Variants in MLF1 observed in about 807,000 individuals in gnomAD.
The protein encoded by MLF1 is myelodysplasia-myeloid leukemia factor 1.
Under a neutral mutation model 38.3 loss-of-function variants are expected in MLF1, and 37 were observed. The ratio of observed to expected loss-of-function variants is 0.96; its 90% CI spans 0.74 to 1.27. The LOEUF is 1.27. Among genes scored for constraint, MLF1 ranks in the 50% most tolerant of loss-of-function variants. The probability of loss-of-function intolerance (pLI) is 0.00; values close to 1 mark genes in which losing one functional copy is unlikely to be tolerated. For synonymous variants in MLF1, 95 were observed against 106.5 expected (o/e 0.89, Z 0.66); for missense variants, 331 against 349.2 (o/e 0.95, Z 0.42).
In MLF1 at chr3:158,602,751, G is replaced by C. The variant is rs150241615; in HGVS notation, c.614-56G>C. 1.4e-3 allele frequency: 2,212 copies of C among 1,558,616 alleles called. 29 individuals carry two copies. The African/African-American group carries it at 0.026, about 19-fold the overall frequency. On this transcript the variant is annotated intron_variant, in intron 6 of 7. Transcript: ENST00000466246. ...GACTGAAATATGTGGGAGCAAGGCA[G>C]TTACTGACAGTTGATACCTTAATAC...
intron 1 of MLF1, among the ~76,000 whole-genome samples, chr3:158,589,807 T>G (rs1484507389): frequency 3.3e-5 from 5 of 152,072 alleles, no homozygotes; most frequent in Non-Finnish European, 7.4e-5. Context: ...CTTCTGGAGT[T>G]TATGGGGGTG....
intron 1 of MLF1, among the ~76,000 whole-genome samples, chr3:158,582,357 G>A (rs924095542): frequency 1.5e-4 from 23 of 151,932 alleles, no homozygotes; most frequent in Non-Finnish European, 2.9e-5. Context: ...GGCAAGAACT[G>A]TAGGGCAACT....
chr3:158,581,346 A>C (rs1716322622), intron 1 of MLF1, among the ~76,000 whole-genome samples: 1 of 152,206 alleles, frequency 6.6e-6, no homozygotes. Context: ...GGTGGAAAGT[A>C]ACCATTAAAT....
chr3:158,601,629 C>T (rs6808551), intron 6 of MLF1, among the ~76,000 whole-genome samples: 34,693 of 149,724 alleles, frequency 0.23, 5,368 homozygotes, highest in African/African-American at 0.45. Flanking sequence ...TGGTGGCCCG[C>T]GCCTGTAATC....
At chr3:158,583,002 G>A in intron 1 of MLF1, 1 of 587,428 alleles carries the variant, frequency 1.7e-6, no homozygotes, top group East Asian at 3.0e-5. Flanking sequence ...ATAATAATAG[G>A]CACACACACA....
In MLF1 at chr3:158,602,843, A is replaced by T. The variant is rs778298450; in HGVS notation, c.650A>T (p.Glu217Val). 13 of 1,613,614 alleles carry T rather than the reference A, an allele frequency of 8.1e-6. No individual in the cohort carries two copies. The South Asian group carries it at 1.4e-4, about 18-fold the overall frequency. The change falls in exon 7 of 8, where the codon GAG becomes GTG. Residue 217 changes from glutamate (E) to valine (V), a missense_variant. Glu to Val is a moderately radical substitution (Grantham distance 121). Transcript: ENST00000466246. The part of the protein sequence containing the change: ...AHAFDEEWQS[E>V]VLKYKPGRHN... Reference sequence around the variant, plus strand: ...GCTTTTGATGAGGAGTGGCAAAGTGAGGTTTTGAAGTACAAACCAGGACGA... The same window carrying T: ...GCTTTTGATGAGGAGTGGCAAAGTGTGGTTTTGAAGTACAAACCAGGACGA...
chr3:158,575,400 C>T (rs1164283342), intron 1 of MLF1, among the ~76,000 whole-genome samples: 1 of 152,042 alleles, frequency 6.6e-6, no homozygotes, highest in Non-Finnish European at 1.5e-5. Flanking sequence ...TTCTTTTCTC[C>T]ACAATGAATT....
chr3:158,582,841 AAAG>A (rs1360320249), intron 1 of MLF1: 1 of 679,782 alleles, frequency 1.5e-6, no homozygotes. Flanking sequence ...AGAAATGTTA[AAAG>A]AAGTTCTTCA....
intron 1 of MLF1, among the ~76,000 whole-genome samples, chr3:158,572,997 G>A (rs1714780774): frequency 6.6e-6 from 1 of 151,768 alleles, no homozygotes; most frequent in South Asian, 2.1e-4. Context: ...GCAGCTTCAA[G>A]GGCTTTGCAG....
chr3:158,595,794 T>C (rs6803608), intron 3 of MLF1, among the ~76,000 whole-genome samples: 85,422 of 151,906 alleles, frequency 0.56, 24,906 homozygotes, highest in African/African-American at 0.72. Context: ...GAGACACAAA[T>C]AGAACTTAGG....
intron 5 of MLF1, among the ~76,000 whole-genome samples, chr3:158,598,441 C>T (rs1218055383): frequency 6.7e-6 from 1 of 149,082 alleles, no homozygotes; most frequent in African/African-American, 2.5e-5. Flanking sequence ...GTGAGGGTGC[C>T]TTTTTTCATG....
chr3:158,581,465 G>C (rs1716345260), intron 1 of MLF1, among the ~76,000 whole-genome samples: 1 of 152,160 alleles, frequency 6.6e-6, no homozygotes. Flanking sequence ...AGCTCCTCCA[G>C]CCATGTTATC....
intron 7 of MLF1, 28 bp downstream of exon 7, chr3:158,602,967 T>C (rs1301517726): frequency 6.3e-7 from 1 of 1,584,702 alleles, no homozygotes; most frequent in Admixed American, 1.8e-5. Context: ...AATAGTTTGG[T>C]TTTTTAAGAA....
chr3:158,576,737 A>C lies in MLF1; in HGVS notation c.47+5390A>C, dbSNP rs1715500549. On this transcript the variant is annotated intron_variant, in intron 1 of 7. Coordinates refer to ENST00000466246, the MANE Select transcript of MLF1 (RefSeq NM_001369783.1). ...GCCCAGGCTGGAGTGCAGTGGTGTG[A>C]TCTCGCCTCACTGCAACCTCTGCCT... 1.4e-5 allele frequency among the ~76,000 whole-genome samples: 2 copies of C among 142,628 alleles called. 1 individual carries two copies. The highest frequency in any genetic ancestry group is 5.3e-5 in the African/African-American group (2 of 37,824). The allele number at this position is 142,628 out of a possible 152,430, so 93.6% of individuals were successfully genotyped here.
At chr3:158,600,933 T>C (rs2108650207) in intron 6 of MLF1, among the ~76,000 whole-genome samples, 1 of 151,632 alleles carries the variant, frequency 6.6e-6, no homozygotes, top group East Asian at 1.9e-4. Context: ...AGTTTTTAAT[T>C]ATATTACAAT....
rs73874705 is a variant in MLF1, at chr3:158,596,504, G to A, written c.241-358G>A. 4.6e-3 allele frequency among the ~76,000 whole-genome samples: 695 copies of A among 152,218 alleles called. 6 individuals are homozygous for A. The highest frequency in any genetic ancestry group is 0.015 in the African/African-American group (615 of 41,536). ...GATAAGGAAAATTATGAAAACTATC[G>A]TATGCTAGAGAATGTATCACTTAGT... is the stretch of plus-strand genomic sequence containing the variant. On this transcript the variant is annotated intron_variant, in intron 3 of 7. Coordinates refer to ENST00000466246, the MANE Select transcript of MLF1 (RefSeq NM_001369783.1).
chr3:158,575,596 A>AAAC (rs1158272438), intron 1 of MLF1, among the ~76,000 whole-genome samples: 1 of 152,190 alleles, frequency 6.6e-6, no homozygotes, highest in African/African-American at 2.4e-5. Context: ...TGACCTTAGG[A>AAAC]ACATAGAGAT....
rs1208095258 is a variant in MLF1 at position 158,605,567 on chromosome 3, A to T, written c.*365A>T. On this transcript the variant is annotated 3_prime_UTR_variant, in exon 8 of 8. Transcript: ENST00000466246. ...CTATCACTTATAATTAGTTATAAGA[A>T]ATTATAATGTTAAAAAAGTCTCAGT... The T allele has an allele frequency of 1.5e-5, 3 of 205,338 alleles. No homozygotes were observed. The highest frequency in any genetic ancestry group is 6.9e-5 in the African/African-American group (3 of 43,748). The allele number at this position is 205,338 out of a possible 1,614,324, so 12.7% of individuals were successfully genotyped here. A position where few individuals can be genotyped will look rare whatever the true frequency, so the allele number is the denominator to read the frequency against.
In MLF1 at chr3:158,592,428, CA is replaced by C; in HGVS notation, c.48-4del. 6.3e-7 allele frequency: 1 copy of C among 1,596,058 alleles called. No homozygotes were observed. The highest frequency in any genetic ancestry group is 1.8e-5 in the Admixed American group (1 of 55,654). The stretch of plus-strand genomic sequence containing the variant: ...AATCTTTCATGATTATGTATATTTT[CA>C]ACAGTGAGTCCATTCTTGCACACCG... On this transcript the variant is annotated splice_polypyrimidine_tract_variant and splice_region_variant and intron_variant, in intron 1 of 7. Transcript: ENST00000466246.
Sources: gnomAD v4.1 joint callset for allele counts (sites outside exome capture counted in the v4.1 genomes callset) on GRCh38, gnomAD v4.1.1 for gene constraint, MANE v1.5 for transcripts, NCBI Gene and HGNC (gene_info 2026-07-23, HGNC 2026-07-21) for gene names.